The following EP300 variants were observed in gnomAD, a reference collection of about 807,000 sequenced individuals.
The protein encoded by EP300 is EP300 lysine acetyltransferase.
In EP300, 31 loss-of-function variants were observed where a neutral mutation model predicts 264.0. The ratio of observed to expected loss-of-function variants is 0.12; its 90% CI spans 0.09 to 0.16. The LOEUF (loss-of-function observed/expected upper bound fraction) is 0.16, where lower values mean the gene tolerates loss of function less well. EP300 is among the 10% of genes least tolerant of loss of function. The pLI is 1.00. For missense variants in EP300, 2,766 were observed against 3,052.9 expected, an observed-to-expected ratio of 0.91 and a Z score of 2.21; for synonymous variants, 1,340 against 1,045.4, an observed-to-expected ratio of 1.28 and a Z score of -5.44.
rs1244546165 is a variant in EP300 at position 41,179,948 on chromosome 22, A to G, written c.*992A>G. 1 of 225,356 alleles carries G rather than the reference A, an allele frequency of 4.4e-6. No homozygotes were observed. The highest frequency in any genetic ancestry group is 8.8e-6 in the Non-Finnish European group (1 of 113,580). The allele number at this position is 225,356 out of a possible 1,614,324, so 14.0% of individuals were successfully genotyped here. On this transcript the variant is annotated 3_prime_UTR_variant, in exon 31 of 31. Coordinates refer to ENST00000263253, the MANE Select transcript of EP300 (RefSeq NM_001429.4). Reference sequence around the variant, plus strand: ...CTTTCTATAAAACTTGAAAATAGCAAAAACCCTCAACTGTTGTAAATCATG... The same window carrying G: ...CTTTCTATAAAACTTGAAAATAGCAGAAACCCTCAACTGTTGTAAATCATG...
intron 29 of EP300, among the ~76,000 whole-genome samples, chr22:41,174,251 C>T (rs1283000119): frequency 6.6e-6 from 1 of 151,886 alleles, no homozygotes; most frequent in African/African-American, 2.4e-5. Flanking sequence ...GCCAACATGG[C>T]GAACCGAAAC....
At chr22:41,163,926 T>C (rs1334364309) in intron 21 of EP300, 127 bp from the exon 22 acceptor site, 1 of 899,040 alleles carries the variant, frequency 1.1e-6, no homozygotes, top group Non-Finnish European at 1.8e-6. Context: ...ATAGAAACTT[T>C]ATTAAAACTA....
Position 41,117,456 on chromosome 22 carries a change from G to A in EP300, c.364G>A (p.Val122Ile). The A allele has an allele frequency of 6.2e-7, 1 of 1,614,014 alleles. No individual in the cohort carries two copies. The highest frequency in any genetic ancestry group is 8.5e-7 in the Non-Finnish European group (1 of 1,179,862). The change falls in exon 2 of 31, where the codon GTC becomes ATC. Residue 122 changes from valine to isoleucine, a missense_variant. Coordinates refer to ENST00000263253, the MANE Select transcript of EP300 (RefSeq NM_001429.4). ...TGGATTAGGTTTGATAAATAGCATGGTCAAAAGCCCAATGACACAGGCAGG... is the reference window on the plus strand; with the variant it reads ...TGGATTAGGTTTGATAAATAGCATGATCAAAAGCCCAATGACACAGGCAGG... ...SPGLGLINSM[V>I]KSPMTQAGLT... is the part of the protein sequence containing the mutation.
intron 6 of EP300, among the ~76,000 whole-genome samples, chr22:41,134,253 G>A (rs908570943): frequency 3.8e-4 from 56 of 147,966 alleles, no homozygotes; most frequent in African/African-American, 1.4e-3. Context: ...CAGGGACTTA[G>A]ATAAGTTTTC....
At position 41,177,795 on chromosome 22, in the gene EP300, T is replaced by C. The variant is rs756299783; in HGVS notation, c.6084T>C (p.Ala2028=). The change falls in exon 31 of 31, where the codon GCT becomes GCC. Residue 2028 remains alanine (A), a synonymous_variant. Transcript: ENST00000263253. ...AGCATGGTCAACCTTTGAACATGGCTCCACAACCAGGATTGGGCCAGGTAG... is the reference window on the plus strand; with the variant it reads ...AGCATGGTCAACCTTTGAACATGGCCCCACAACCAGGATTGGGCCAGGTAG... The part of the protein sequence containing the change: ...VAQHGQPLNM[A]PQPGLGQVGI... 1 of 1,614,004 alleles carries C rather than the reference T, an allele frequency of 6.2e-7. No homozygotes were observed. The highest frequency in any genetic ancestry group is 8.5e-7 in the Non-Finnish European group (1 of 1,180,024).
In EP300 at chr22:41,119,004, C is replaced by CTTT. The variant is rs972813377; in HGVS notation, c.729+1197_729+1199dup. 3.1e-5 allele frequency among the ~76,000 whole-genome samples: 4 copies of CTTT among 130,954 alleles called. No homozygotes were observed. In the South Asian group the frequency reaches 7.4e-4, roughly 24 times the overall value. The allele number at this position is 130,954 out of a possible 152,430, so 85.9% of individuals were successfully genotyped here. On this transcript the variant is annotated intron_variant, in intron 2 of 30. Transcript: ENST00000263253. ...CCTTTCTGCCCCTCACCCCCGCCAC[C>CTTT]TTTTTTTTTTTTTTTTGAGACAGGG...
At chr22:41,126,849 A>G (rs752693552) in intron 3 of EP300, among the ~76,000 whole-genome samples, 3 of 137,632 alleles carry the variant, frequency 2.2e-5, no homozygotes, top group Non-Finnish European at 4.6e-5. Flanking sequence ...GTTTCAAGCA[A>G]CTCTCCTGCC....
intron 16 of EP300, among the ~76,000 whole-genome samples, chr22:41,154,156 C>T (rs1051668687): frequency 6.6e-6 from 1 of 152,102 alleles, no homozygotes; most frequent in Non-Finnish European, 1.5e-5. Flanking sequence ...TTAAACCTAA[C>T]ATTTGTCATT....
chr22:41,176,050 T>C, intron 29 of EP300, 197 bp from the exon 30 acceptor site: 1 of 632,888 alleles, frequency 1.6e-6, no homozygotes, highest in Non-Finnish European at 2.7e-6. Flanking sequence ...CGAAGCCTCG[T>C]CTCTACAAAA....
intron 18 of EP300, among the ~76,000 whole-genome samples, chr22:41,157,710 A>G (rs949491183): frequency 5.9e-5 from 9 of 151,766 alleles, no homozygotes; most frequent in African/African-American, 2.2e-4. Context: ...TTGTAGAAAC[A>G]GGGTCTCATG....
chr22:41,118,124 C>T (rs2058831800), intron 2 of EP300, among the ~76,000 whole-genome samples: 1 of 152,170 alleles, frequency 6.6e-6, no homozygotes, highest in Non-Finnish European at 1.5e-5. Flanking sequence ...TATAAAATTA[C>T]AGTTTTGAGA....
intron 27 of EP300, 76 bp from the exon 28 acceptor site, chr22:41,172,423 C>A (rs117677771): frequency 1.5e-6 from 2 of 1,315,078 alleles, no homozygotes; most frequent in Non-Finnish European, 2.2e-6. Context: ...TGTTTCTTGT[C>A]AGCCATGATT....
chr22:41,167,814 GTTTTTTTTTTT>G (rs1373815461), intron 23 of EP300, among the ~76,000 whole-genome samples: 12,341 of 64,066 alleles, frequency 0.19, 1,999 homozygotes, highest in Admixed American at 0.26. Flanking sequence ...GTTTGTTTTT[GTTTTTTTTTTT>G]GTTTTTTTTT....
intron 11 of EP300, 80 bp downstream of exon 11, chr22:41,146,896 C>G (rs2059014107): frequency 8.2e-7 from 1 of 1,222,862 alleles, no homozygotes; most frequent in Non-Finnish European, 1.2e-6. Context: ...TGAACACCCG[C>G]TTTATGCCAA....
rs567207395 is a variant in EP300 at position 41,102,935 on chromosome 22, C to T, written c.94+9837C>T. Among the ~76,000 whole-genome samples the T allele has an allele frequency of 3.8e-4, 58 of 152,122 alleles. 1 individual carries two copies. The highest frequency in any genetic ancestry group is 5.3e-4 in the Non-Finnish European group (36 of 67,968). ...TGTGATCTCAGCTCACTGCAACCTC[C>T]GCCTTCCGGGTTCAAGCGATTCTCA... is the stretch of plus-strand genomic sequence containing the variant. On this transcript the variant is annotated intron_variant, in intron 1 of 30. Transcript: ENST00000263253.
chr22:41,173,734 T>G lies in EP300; in HGVS notation c.4729T>G (p.Ser1577Ala). ...NKKKPGMPNV[S>A]NDLSQKLYAT... ...GAAGAAACCCGGGATGCCCAATGTA[T>G]CTAACGACCTCTCACAGAAACTATA... Residue 1577 changes from serine to alanine, a missense_variant, in exon 29 of 31, where the codon TCT becomes GCT. Coordinates refer to ENST00000263253, the MANE Select transcript of EP300 (RefSeq NM_001429.4). 2 of 1,614,076 alleles carry G rather than the reference T, an allele frequency of 1.2e-6. No homozygotes were observed. The highest frequency in any genetic ancestry group is 8.5e-7 in the Non-Finnish European group (1 of 1,180,012).
At chr22:41,121,600 G>A (rs1299967148) in intron 2 of EP300, among the ~76,000 whole-genome samples, 2 of 152,166 alleles carry the variant, frequency 1.3e-5, no homozygotes, top group Non-Finnish European at 1.5e-5. Flanking sequence ...CCCATAGTCT[G>A]CCATAGAGGA....
chr22:41,141,273 GTT>G (rs776747089), intron 10 of EP300, 51 bp downstream of exon 10: 1 of 1,567,744 alleles, frequency 6.4e-7, no homozygotes, highest in Non-Finnish European at 8.8e-7. Flanking sequence ...TAATAAAATA[GTT>G]TCTATCTAAA....
chr22:41,122,180 T>C (rs1601601403), intron 2 of EP300, among the ~76,000 whole-genome samples: 1 of 114,786 alleles, frequency 8.7e-6, no homozygotes, highest in Non-Finnish European at 1.9e-5. Context: ...TTTTTTTTTT[T>C]TGGAGACAGA....
Sources: gnomAD v4.1 joint callset for allele counts (sites outside exome capture counted in the v4.1 genomes callset) on GRCh38, gnomAD v4.1.1 for gene constraint, MANE v1.5 for transcripts, NCBI Gene and HGNC (gene_info 2026-07-23, HGNC 2026-07-21) for gene names.